The following SLC39A11 variants were observed in gnomAD, a reference collection of about 807,000 sequenced individuals.
SLC39A11 encodes zinc transporter ZIP11.
A neutral mutation model predicts 36.1 loss-of-function variants in SLC39A11; 33 were observed. The observed-to-expected ratio is 0.91, with a 90% confidence interval of 0.69 to 1.22. The LOEUF (loss-of-function observed/expected upper bound fraction) is 1.22. SLC39A11 is among the 50% of genes most tolerant of loss of function. The pLI, the probability that SLC39A11 is intolerant of heterozygous loss-of-function variation, is 0.00. For missense variants in SLC39A11, 432 were observed against 430.3 expected (o/e 1.00, Z -0.03); for synonymous variants, 166 against 170.3 (o/e 0.97, Z 0.20).
intron 5 of SLC39A11, among the ~76,000 whole-genome samples, chr17:72,853,418 A>G (rs1054559143): frequency 6.6e-6 from 1 of 152,012 alleles, no homozygotes; most frequent in Non-Finnish European, 1.5e-5. Flanking sequence ...CACTCTAACA[A>G]TCACCGACAG....
At chr17:72,949,143 GCTTTTT>G (rs1217141155) in intron 4 of SLC39A11, among the ~76,000 whole-genome samples, 23 of 52,568 alleles carry the variant, frequency 4.4e-4, no homozygotes, top group African/African-American at 9.7e-4. Context: ...ACACTGGGCA[GCTTTTT>G]TTTTTTTTTT....
At chr17:72,949,238 C>A (rs185159254) in intron 4 of SLC39A11, among the ~76,000 whole-genome samples, 9 of 138,560 alleles carry the variant, frequency 6.5e-5, no homozygotes, top group Admixed American at 4.1e-4. Context: ...CAGCTCACAG[C>A]AACCTCTGCC....
chr17:72,710,597 T>C (rs2073072560), intron 7 of SLC39A11, among the ~76,000 whole-genome samples: 2 of 152,232 alleles, frequency 1.3e-5, no homozygotes, highest in Admixed American at 1.3e-4. Flanking sequence ...TCTTGGACTT[T>C]ACAGCCTCTA....
chr17:72,825,123 G>C (rs1227545496), intron 6 of SLC39A11, among the ~76,000 whole-genome samples: 1 of 143,410 alleles, frequency 7.0e-6, no homozygotes. Context: ...TTCCATCATA[G>C]GCCTGGAGGC....
intron 7 of SLC39A11, among the ~76,000 whole-genome samples, chr17:72,695,195 T>C (rs1437811864): frequency 6.6e-6 from 1 of 152,222 alleles, no homozygotes; most frequent in African/African-American, 2.4e-5. Flanking sequence ...ATTGGGTCTC[T>C]GCCTCAGTGT....
Position 72,815,242 on chromosome 17 carries a change from C to A in SLC39A11, c.601+34392G>T, listed in dbSNP as rs900913901. 2.0e-5 allele frequency among the ~76,000 whole-genome samples: 3 copies of A among 152,142 alleles called. No homozygotes were observed. In the South Asian group the frequency reaches 6.2e-4, roughly 31 times the overall value. On this transcript the variant is annotated intron_variant, in intron 6 of 9. Transcript: ENST00000255559. Reference sequence around the variant, plus strand: ...TCACCCAGGGGAAGGGAAGGGAGAGCCAACAGAACAGGTTAGGAAGACATT... The same window carrying A: ...TCACCCAGGGGAAGGGAAGGGAGAGACAACAGAACAGGTTAGGAAGACATT...
intron 7 of SLC39A11, among the ~76,000 whole-genome samples, chr17:72,701,427 A>G (rs1444017217): frequency 6.6e-6 from 1 of 152,128 alleles, no homozygotes; most frequent in Admixed American, 6.5e-5. Context: ...TGAGTGATGC[A>G]GTTTAAAGAA....
Position 72,909,912 on chromosome 17 carries a change from C to CT in SLC39A11, c.430+37839dup, listed in dbSNP as rs371477624. Among the ~76,000 whole-genome samples, 139 of 146,038 alleles carry CT rather than the reference C, an allele frequency of 9.5e-4. 1 individual carries two copies. Among genetic ancestry groups the CT allele is most frequent in the South Asian group, 8.9e-3 (41 of 4,582 alleles). On this transcript the variant is annotated intron_variant, in intron 5 of 9. Transcript: ENST00000255559. ...AGGCGCCCGCCATTACGCCCGGCTA[C>CT]TTTTTTTTTTTGTATTTTTTTAGTA...
At chr17:72,743,746 T>C (rs1279463084) in intron 6 of SLC39A11, among the ~76,000 whole-genome samples, 1 of 152,054 alleles carries the variant, frequency 6.6e-6, no homozygotes, top group Non-Finnish European at 1.5e-5. Context: ...AAGAACTCAC[T>C]GGGGGGAAAA....
chr17:72,780,465 G>A (rs971956599), intron 6 of SLC39A11, among the ~76,000 whole-genome samples: 1 of 143,596 alleles, frequency 7.0e-6, no homozygotes, highest in African/African-American at 2.5e-5. Flanking sequence ...GTCAATGTGA[G>A]GGTATTAATT....
chr17:72,647,792 T>C, intron 9 of SLC39A11, 130 bp from the exon 10 acceptor site: 10 of 696,018 alleles, frequency 1.4e-5, no homozygotes, highest in Non-Finnish European at 1.2e-5. Flanking sequence ...TAACATTTAC[T>C]GGGGCTTACT....
chr17:73,072,060 G>C (rs1419578453), intron 3 of SLC39A11, among the ~76,000 whole-genome samples: 1 of 152,192 alleles, frequency 6.6e-6, no homozygotes, highest in Non-Finnish European at 1.5e-5. Flanking sequence ...ACTAATAAGA[G>C]TCACTGCAAC....
chr17:72,917,181 T>G (rs1422160911), intron 5 of SLC39A11, among the ~76,000 whole-genome samples: 1 of 152,192 alleles, frequency 6.6e-6, no homozygotes, highest in East Asian at 1.9e-4. Context: ...ACCTGCCAAC[T>G]CAAGATGCAC....
rs1555698615 is a variant in SLC39A11 at position 73,062,475 on chromosome 17, A to AAAC, written c.147+22332_147+22333insGTT. ...AGAGCTTGTCTCAAAAAAAAAAAAA[A>AAAC]AAACTTTAGGTGATACACTTCTGCT... On this transcript the variant is annotated intron_variant, in intron 3 of 9. Transcript: ENST00000255559. Among the ~76,000 whole-genome samples the AAAC allele has an allele frequency of 1.0e-4, 9 of 87,046 alleles. 2 individuals are homozygous for AAAC. Among genetic ancestry groups the AAAC allele is most frequent in the East Asian group, 8.0e-4 (2 of 2,488 alleles). The allele number at this position is 87,046 out of a possible 152,430, so 57.1% of individuals were successfully genotyped here.
chr17:72,978,842 C>T (rs1333645711), intron 4 of SLC39A11, among the ~76,000 whole-genome samples: 1 of 152,190 alleles, frequency 6.6e-6, no homozygotes, highest in Non-Finnish European at 1.5e-5. Context: ...TCATTGAACA[C>T]TTAGGGCACG....
intron 6 of SLC39A11, chr17:72,838,232 T>G (rs998314359): frequency 9.5e-5 from 11 of 115,838 alleles, no homozygotes; most frequent in African/African-American, 3.7e-4. Context: ...TTTCCTTTTC[T>G]TTTTTTTTTT....
chr17:72,825,764 A>C (rs1248023191), intron 6 of SLC39A11, among the ~76,000 whole-genome samples: 1 of 152,206 alleles, frequency 6.6e-6, no homozygotes, highest in East Asian at 1.9e-4. Flanking sequence ...TTAAGATTTA[A>C]TGACTGCCCT....
rs28629933 is a variant in SLC39A11 at position 72,971,458 on chromosome 17, T to C, written c.307-23583A>G. ...ATGGCACAGCGCCCCCCGATTTTAA[T>C]GAAAATCTCAGCCCTTTATTTCCAA... is the stretch of plus-strand genomic sequence containing the variant. On this transcript the variant is annotated intron_variant, in intron 4 of 9. Transcript: ENST00000255559. Among the ~76,000 whole-genome samples the C allele has an allele frequency of 9.6e-3, 1,465 of 152,268 alleles. 31 individuals are homozygous for C. Among genetic ancestry groups the C allele is most frequent in the African/African-American group, 0.033 (1,368 of 41,552 alleles).
chr17:72,992,952 GCT>G (rs2089276489), intron 4 of SLC39A11: 1 of 152,238 alleles, frequency 6.6e-6, no homozygotes, highest in Non-Finnish European at 1.5e-5. Context: ...CATCTTACAT[GCT>G]GGCAGACAAG....
Sources: gnomAD v4.1 joint callset for allele counts (sites outside exome capture counted in the v4.1 genomes callset) on GRCh38, gnomAD v4.1.1 for gene constraint, MANE v1.5 for transcripts, NCBI Gene and HGNC (gene_info 2026-07-23, HGNC 2026-07-21) for gene names.